SKIL: variants seen among roughly 807,000 people sequenced by gnomAD.
SKIL encodes the protein SKI like proto-oncogene, also known as ski-like protein.
A neutral mutation model predicts 69.6 loss-of-function variants in SKIL; 20 were observed. That is an observed-to-expected ratio of 0.29 (90% CI 0.20 to 0.42). SKIL has a LOEUF of 0.42. Ranked by LOEUF, SKIL falls within the 10% of genes least tolerant of loss-of-function variation. The pLI is 1.00. For missense variants in SKIL, 745 were observed against 783.1 expected, an observed-to-expected ratio of 0.95 and a Z score of 0.58; for synonymous variants, 310 against 279.9, an observed-to-expected ratio of 1.11 and a Z score of -1.08.
intron 6 of SKIL, 50 bp downstream of exon 6, chr3:170,391,310 A>T: frequency 9.3e-7 from 1 of 1,073,106 alleles, no homozygotes; most frequent in Non-Finnish European, 1.4e-6. Context: ...GGAAATGGAA[A>T]CTGTTACTTC....
In SKIL at chr3:170,393,313, G is replaced by T. The variant is rs1294782688; in HGVS notation, c.*896G>T. ...GAGTCTTACTAAAATTTATATAATG[G>T]ACTTGTTTTCCTTTAAGTTGTAAAA... On this transcript the variant is annotated 3_prime_UTR_variant, in exon 7 of 7. Transcript: ENST00000259119. The T allele has an allele frequency of 6.6e-6, 1 of 151,974 alleles. No homozygotes were observed. 9.4% of individuals were successfully genotyped at this position (151,974 alleles called of 1,614,324 possible).
intron 3 of SKIL, among the ~76,000 whole-genome samples, chr3:170,383,369 C>T (rs1737458382): frequency 6.6e-6 from 1 of 152,160 alleles, no homozygotes; most frequent in African/African-American, 2.4e-5. Flanking sequence ...ATATAGATGT[C>T]TTAGTACAAA....
intron 4 of SKIL, among the ~76,000 whole-genome samples, chr3:170,386,225 G>C (rs11720323): frequency 0.33 from 50,260 of 150,888 alleles, 9,160 homozygotes; most frequent in East Asian, 0.56. Flanking sequence ...CCGCCTCCCA[G>C]GTTCAAGTGA....
Position 170,393,752 on chromosome 3 carries a change from T to C in SKIL, c.*1335T>C, listed in dbSNP as rs545976200. On this transcript the variant is annotated 3_prime_UTR_variant, in exon 7 of 7. Transcript: ENST00000259119. ...TGGATTTTATGGGATAATAAATGTT[T>C]TTCATGTTCTCTTATAAGATACTAT... The C allele has an allele frequency of 2.0e-5, 3 of 152,302 alleles. No homozygotes were observed. In the South Asian group the frequency reaches 6.2e-4, roughly 32 times the overall value. The allele number at this position is 152,302 out of a possible 1,614,324, so 9.4% of individuals were successfully genotyped here.
chr3:170,381,384 A>G (rs1469109850), intron 3 of SKIL, 43 bp downstream of exon 3: 10 of 915,722 alleles, frequency 1.1e-5, no homozygotes, highest in Non-Finnish European at 1.8e-5. Flanking sequence ...TCATTTCTTC[A>G]TTCAACAACT....
chr3:170,363,284 G>A (rs937973037), intron 2 of SKIL, among the ~76,000 whole-genome samples: 1 of 152,158 alleles, frequency 6.6e-6, no homozygotes, highest in African/African-American at 2.4e-5. Context: ...TTGGGATCCT[G>A]AGCTTTATTC....
intron 2 of SKIL, among the ~76,000 whole-genome samples, chr3:170,372,370 A>C (rs1455625264): frequency 6.6e-6 from 1 of 152,220 alleles, no homozygotes; most frequent in African/African-American, 2.4e-5. Context: ...CTGTGGAAAC[A>C]GCTGCCATTG....
chr3:170,371,287 G>A (rs1420450517), intron 2 of SKIL, among the ~76,000 whole-genome samples: 1 of 152,094 alleles, frequency 6.6e-6, no homozygotes, highest in South Asian at 2.1e-4. Flanking sequence ...GATGATTTGA[G>A]GTCAGGAGTT....
chr3:170,380,503 G>A (rs767604640), intron 2 of SKIL, among the ~76,000 whole-genome samples: 1 of 152,076 alleles, frequency 6.6e-6, no homozygotes, highest in Non-Finnish European at 1.5e-5. Flanking sequence ...AATTAGCTGG[G>A]TGTGGTGGTG....
chr3:170,381,441 A>ATT, intron 3 of SKIL, 100 bp downstream of exon 3: 1 of 472,314 alleles, frequency 2.1e-6, no homozygotes, highest in Non-Finnish European at 4.0e-6. Context: ...TTATTTATTT[A>ATT]TTTTTTTTGG....
intron 2 of SKIL, among the ~76,000 whole-genome samples, chr3:170,378,549 C>CT (rs1334169886): frequency 1.8e-5 from 1 of 55,516 alleles, no homozygotes; most frequent in East Asian, 7.2e-4. Flanking sequence ...CTCTCTCTCT[C>CT]TCTCTTTTTT....
Position 170,393,566 on chromosome 3 carries a change from A to G in SKIL, c.*1149A>G, listed in dbSNP as rs1396896425. The G allele has an allele frequency of 1.3e-5, 2 of 152,184 alleles. No homozygotes were observed. The highest frequency in any genetic ancestry group is 4.8e-5 in the African/African-American group (2 of 41,456). The allele number at this position is 152,184 out of a possible 1,614,324, so 9.4% of individuals were successfully genotyped here. ...GGAATTCCATAGTTTCAGGAGGGAC[A>G]ACATCTTCTGCACTTTTTTTTTGCA... is the stretch of plus-strand genomic sequence containing the variant. On this transcript the variant is annotated 3_prime_UTR_variant, in exon 7 of 7. Transcript: ENST00000259119.
chr3:170,382,867 C>G (rs764957596), intron 3 of SKIL, among the ~76,000 whole-genome samples: 1 of 151,514 alleles, frequency 6.6e-6, no homozygotes, highest in Non-Finnish European at 1.5e-5. Context: ...TACAGGCATC[C>G]GCTGCTACGC....
At chr3:170,380,501 G>T (rs1331901684) in intron 2 of SKIL, among the ~76,000 whole-genome samples, 1 of 152,016 alleles carries the variant, frequency 6.6e-6, no homozygotes. Flanking sequence ...AAAATTAGCT[G>T]GGTGTGGTGG....
intron 4 of SKIL, among the ~76,000 whole-genome samples, chr3:170,388,674 C>T (rs963174941): frequency 2.0e-5 from 3 of 152,062 alleles, no homozygotes; most frequent in Non-Finnish European, 4.4e-5. Flanking sequence ...AAGCAATCCA[C>T]CTGCCTCAGC....
chr3:170,379,882 G>T (rs1270852845), intron 2 of SKIL, among the ~76,000 whole-genome samples: 2 of 152,134 alleles, frequency 1.3e-5, no homozygotes, highest in African/African-American at 4.8e-5. Flanking sequence ...GACCTCAGGT[G>T]ATCCACCCAC....
chr3:170,360,139 T>C lies in SKIL; in HGVS notation c.-193T>C, dbSNP rs900739645. 2.4e-5 allele frequency: 12 copies of C among 500,056 alleles called. No individual in the cohort carries two copies. The highest frequency in any genetic ancestry group is 2.2e-4 in the African/African-American group (11 of 50,598). The allele number at this position is 500,056 out of a possible 1,614,324, so 31.0% of individuals were successfully genotyped here. A position where few individuals can be genotyped will look rare whatever the true frequency, so the allele number is the denominator to read the frequency against. ...ACGAACAATTTTATAGGATTTGTAG[T>C]GAAATTATACCAGATTATAAGGAGA... On this transcript the variant is annotated 5_prime_UTR_variant, in exon 2 of 7. Coordinates refer to ENST00000259119, the MANE Select transcript of SKIL (RefSeq NM_005414.5).
chr3:170,390,279 A>C lies in SKIL; in HGVS notation c.1486A>C (p.Asn496His), dbSNP rs890517926. Reference protein sequence around the residue: ...SKRKSESATCNLVRDINKVGI... With the variant: ...SKRKSESATCHLVRDINKVGI... ...AAGGAAATCTGAGTCTGCCACTTGC[A>C]ACTTAGTCAGAGACATAAACAAAGT... Residue 496 changes from asparagine (N) to histidine (H), a missense_variant, in exon 5 of 7, where the codon AAC becomes CAC. Asn to His is a moderately conservative substitution (Grantham distance 68). Coordinates refer to ENST00000259119, the MANE Select transcript of SKIL (RefSeq NM_005414.5). 2 of 1,613,078 alleles carry C rather than the reference A, an allele frequency of 1.2e-6. No homozygotes were observed. Among genetic ancestry groups the C allele is most frequent in the African/African-American group, 2.7e-5 (2 of 74,934 alleles).
At chr3:170,366,045 T>G (rs1378271381) in intron 2 of SKIL, among the ~76,000 whole-genome samples, 1 of 150,536 alleles carries the variant, frequency 6.6e-6, no homozygotes, top group Non-Finnish European at 1.5e-5. Flanking sequence ...CATGAGCCAT[T>G]GCGCCTGGCC....
Sources: allele counts gnomAD v4.1 joint callset (sites outside exome capture counted in the v4.1 genomes callset), GRCh38; gene constraint gnomAD v4.1.1; transcripts MANE v1.5; gene names NCBI Gene and HGNC (gene_info 2026-07-23, HGNC 2026-07-21).